EXT1: variants seen among roughly 807,000 people sequenced by gnomAD.
EXT1 encodes the protein exostosin glycosyltransferase 1, also known as exostosin-1.
In EXT1, 20 loss-of-function variants were observed where a neutral mutation model predicts 82.5. The observed-to-expected ratio is 0.24, with a 90% CI of 0.17 to 0.35. EXT1 has a LOEUF of 0.35. Ranked by LOEUF, EXT1 falls within the 10% of genes least tolerant of loss-of-function variation. EXT1 has a pLI of 1.00. For synonymous variants in EXT1, 348 were observed against 350.8 expected (o/e 0.99, Z 0.09); for missense variants, 757 against 936.5 (o/e 0.81, Z 2.50).
intron 1 of EXT1, among the ~76,000 whole-genome samples, chr8:117,844,164 T>TTATTATTATTAC (rs1290532041): frequency 4.7e-5 from 7 of 149,876 alleles, no homozygotes; most frequent in Non-Finnish European, 3.0e-5. Flanking sequence ...ATTATTATTA[T>TTATTATTATTAC]TATTTTGAGA....
At chr8:118,059,504 G>A (rs6990802) in intron 1 of EXT1, among the ~76,000 whole-genome samples, 56,814 of 152,016 alleles carry the variant, frequency 0.37, 11,246 homozygotes, top group Middle Eastern at 0.5. Context: ...CCTAACAAGC[G>A]GCCCTGTTGA....
At chr8:117,911,408 C>T (rs574543440) in intron 1 of EXT1, among the ~76,000 whole-genome samples, 4 of 152,276 alleles carry the variant, frequency 2.6e-5, no homozygotes, top group Admixed American at 2.6e-4. Context: ...GAAACTCCCT[C>T]ATTCTGAATG....
intron 1 of EXT1, among the ~76,000 whole-genome samples, chr8:118,000,339 G>A (rs17476282): frequency 0.012 from 1,763 of 152,258 alleles, 16 homozygotes; most frequent in Middle Eastern, 0.02. Context: ...TGACTACCTT[G>A]ACAAAGGCTG....
rs34394392 is a variant in EXT1, at chr8:117,948,320, CAAAAAAAAA to C, written c.963-111128_963-111120del. On this transcript the variant is annotated intron_variant, in intron 1 of 10. Transcript: ENST00000378204. Reference sequence around the variant, plus strand: ...AAGAAGTCATTCTGACTGCCCTTGCCAAAAAAAAAAAAAAAAAAAAAGGAGTAGTAACAA... The same window carrying C: ...AAGAAGTCATTCTGACTGCCCTTGCCAAAAAAAAAAAAGGAGTAGTAACAA... 2.7e-4 allele frequency among the ~76,000 whole-genome samples: 14 copies of C among 51,918 alleles called. No individual in the cohort carries two copies. In the East Asian group the frequency reaches 9.0e-3, roughly 33 times the overall value. 34.1% of individuals were successfully genotyped at this position (51,918 alleles called of 152,430 possible). A position where few individuals can be genotyped will look rare whatever the true frequency, so the allele number is the denominator to read the frequency against.
At chr8:117,827,784 CAAAAAAAAAAAAA>C (rs768731740) in intron 4 of EXT1, among the ~76,000 whole-genome samples, 23 of 54,144 alleles carry the variant, frequency 4.2e-4, no homozygotes, top group African/African-American at 1.4e-3. Context: ...GACTCTGTCT[CAAAAAAAAAAAAA>C]AAAAAAAAAA....
chr8:118,004,822 T>A (rs144728101), intron 1 of EXT1, among the ~76,000 whole-genome samples: 95 of 152,364 alleles, frequency 6.2e-4, no homozygotes, highest in Admixed American at 9.1e-4. Context: ...CTGATGATTC[T>A]AGGCAACAAT....
At chr8:117,980,870 A>ACACTCCC (rs1339866670) in intron 1 of EXT1, among the ~76,000 whole-genome samples, 1 of 152,022 alleles carries the variant, frequency 6.6e-6, no homozygotes, top group Non-Finnish European at 1.5e-5. Flanking sequence ...GGACAAACAC[A>ACACTCCC]CACTCCCGCT....
intron 1 of EXT1, among the ~76,000 whole-genome samples, chr8:117,914,851 T>A (rs897760048): frequency 6.6e-6 from 1 of 151,354 alleles, no homozygotes; most frequent in South Asian, 2.1e-4. Flanking sequence ...AGTTCTGCTT[T>A]TACCCTTTGC....
intron 1 of EXT1, among the ~76,000 whole-genome samples, chr8:118,079,344 G>A (rs899448336): frequency 6.6e-6 from 1 of 152,190 alleles, no homozygotes; most frequent in Non-Finnish European, 1.5e-5. Context: ...TGCATGAAGA[G>A]TATTAATTAC....
At chr8:117,873,357 C>T (rs188305019) in intron 1 of EXT1, among the ~76,000 whole-genome samples, 1 of 150,254 alleles carries the variant, frequency 6.7e-6, no homozygotes, top group East Asian at 2.0e-4. Flanking sequence ...TTCTTTCTGA[C>T]AACGAAACTA....
intron 1 of EXT1, among the ~76,000 whole-genome samples, chr8:118,050,155 C>T (rs1185391166): frequency 2.0e-5 from 3 of 152,032 alleles, no homozygotes; most frequent in Non-Finnish European, 4.4e-5. Context: ...TTTGTCTCTC[C>T]GGCTATTGTC....
At chr8:117,916,035 G>A (rs1451674586) in intron 1 of EXT1, among the ~76,000 whole-genome samples, 1 of 151,890 alleles carries the variant, frequency 6.6e-6, no homozygotes, top group African/African-American at 2.4e-5. Flanking sequence ...GGATTTCTTT[G>A]ATAGAAACTG....
At chr8:118,088,784 G>C (rs2129995316) in intron 1 of EXT1, among the ~76,000 whole-genome samples, 1 of 151,206 alleles carries the variant, frequency 6.6e-6, no homozygotes, top group East Asian at 1.9e-4. Context: ...GATATTATCT[G>C]GCCAGTTATG....
intron 3 of EXT1, among the ~76,000 whole-genome samples, chr8:117,834,826 A>T (rs888878708): frequency 6.6e-6 from 1 of 152,194 alleles, no homozygotes; most frequent in East Asian, 1.9e-4. Context: ...ATGAATATAC[A>T]AAGGGCTTTA....
chr8:117,937,152 T>C (rs960396817), intron 1 of EXT1, among the ~76,000 whole-genome samples: 3 of 152,244 alleles, frequency 2.0e-5, no homozygotes, highest in Non-Finnish European at 4.4e-5. Flanking sequence ...TTGTTTGGCA[T>C]ATTTTCCCAG....
intron 1 of EXT1, among the ~76,000 whole-genome samples, chr8:117,996,576 C>T (rs568399458): frequency 1.3e-5 from 2 of 152,328 alleles, no homozygotes; most frequent in South Asian, 4.1e-4. Flanking sequence ...GTGCACCGTC[C>T]TATCTTAATG....
At chr8:117,966,277 G>A (rs771191497) in intron 1 of EXT1, among the ~76,000 whole-genome samples, 2 of 152,134 alleles carry the variant, frequency 1.3e-5, no homozygotes, top group African/African-American at 2.4e-5. Flanking sequence ...TGTGTATTAC[G>A]ACAGGATTCC....
chr8:117,877,014 C>G (rs1336647679), intron 1 of EXT1, among the ~76,000 whole-genome samples: 2 of 152,112 alleles, frequency 1.3e-5, no homozygotes, highest in Non-Finnish European at 1.5e-5. Context: ...ACAGAGAACC[C>G]CTGGATGTGC....
chr8:118,031,393 C>T (rs546791089), intron 1 of EXT1, among the ~76,000 whole-genome samples: 27 of 151,998 alleles, frequency 1.8e-4, no homozygotes, highest in African/African-American at 6.5e-4. Flanking sequence ...GGCGTGGTGG[C>T]CCGCACCTGT....
Sources: gnomAD v4.1 joint callset for allele counts (sites outside exome capture counted in the v4.1 genomes callset) on GRCh38, gnomAD v4.1.1 for gene constraint, MANE v1.5 for transcripts, NCBI Gene and HGNC (gene_info 2026-07-23, HGNC 2026-07-21) for gene names.